The following RBM41 variants were observed in gnomAD, a reference collection of about 807,000 sequenced individuals.
RBM41 encodes the protein RNA-binding protein 41.
In RBM41, 14 loss-of-function variants were observed where a neutral mutation model predicts 30.8. That is an observed-to-expected ratio of 0.45 (90% CI 0.30 to 0.71). The LOEUF is 0.71. RBM41 is among the 30% of genes least tolerant of loss of function. The probability of loss-of-function intolerance (pLI) is 0.08; values close to 1 mark genes in which losing one functional copy is unlikely to be tolerated. For synonymous variants in RBM41, 120 were observed against 110.1 expected (o/e 1.09, Z -0.56); for missense variants, 276 against 326.3 (o/e 0.85, Z 1.19).
chrX:107,094,394 G>A (rs1380382249), intron 5 of RBM41, among the ~76,000 whole-genome samples: 2 of 112,294 alleles, frequency 1.8e-5, no homozygotes, highest in Non-Finnish European at 3.8e-5. Flanking sequence ...AAAGATTGGT[G>A]TAACATCTAA....
At chrX:107,096,578 T>C (rs986110514) in intron 5 of RBM41, among the ~76,000 whole-genome samples, 2 of 111,868 alleles carry the variant, frequency 1.8e-5, no homozygotes, top group African/African-American at 6.5e-5. Context: ...GACCCTTTAC[T>C]TCACACATAA....
intron 5 of RBM41, among the ~76,000 whole-genome samples, chrX:107,106,075 A>G (rs1923947879): frequency 8.9e-6 from 1 of 112,148 alleles, no homozygotes; most frequent in Non-Finnish European, 1.9e-5. Context: ...ATCAGAGTGA[A>G]CAGGCAATCT....
chrX:107,102,841 T>A (rs1156801600), intron 5 of RBM41, among the ~76,000 whole-genome samples: 1 of 111,598 alleles, frequency 9.0e-6, no homozygotes, highest in Non-Finnish European at 1.9e-5. Context: ...AAACTTGCTT[T>A]AGACCAGTAA....
intron 5 of RBM41, among the ~76,000 whole-genome samples, chrX:107,105,870 A>G (rs1268900653): frequency 2.7e-5 from 3 of 111,890 alleles, no homozygotes; most frequent in African/African-American, 6.5e-5. Flanking sequence ...AATTAATTCA[A>G]GATGGATTAA....
intron 6 of RBM41, among the ~76,000 whole-genome samples, chrX:107,080,578 TCAAAACA>T (rs1049468944): frequency 3.3e-5 from 3 of 91,500 alleles, no homozygotes; most frequent in Non-Finnish European, 6.2e-5. Context: ...AGACTCTGCC[TCAAAACA>T]CGAAACAAAA....
chrX:107,091,265 C>G (rs1294710765), intron 5 of RBM41, among the ~76,000 whole-genome samples: 2 of 111,879 alleles, frequency 1.8e-5, no homozygotes, highest in East Asian at 2.8e-4. Context: ...AATATACTTA[C>G]AGAATTTTAC....
At chrX:107,077,947 ATGT>A (rs774775760) in intron 6 of RBM41, among the ~76,000 whole-genome samples, 133 of 111,759 alleles carry the variant, frequency 1.2e-3, no homozygotes, top group African/African-American at 4.2e-3. Flanking sequence ...TCACATTAAT[ATGT>A]TGTTACAATT....
chrX:107,052,233 C>T, the RBM41 span, among the ~76,000 whole-genome samples: 1 of 111,453 alleles, frequency 9.0e-6, no homozygotes, highest in African/African-American at 3.3e-5. Flanking sequence ...GTTTATATCC[C>T]GATCATTGTC....
intron 5 of RBM41, among the ~76,000 whole-genome samples, chrX:107,095,240 G>C (rs1407646674): frequency 9.1e-6 from 1 of 109,693 alleles, no homozygotes; most frequent in African/African-American, 3.3e-5. Context: ...AAACTTTAAG[G>C]TATCCATAAT....
chrX:107,078,880 T>C (rs918486932), intron 6 of RBM41, among the ~76,000 whole-genome samples: 1 of 108,435 alleles, frequency 9.2e-6, no homozygotes, highest in Non-Finnish European at 1.9e-5. Context: ...ATACCCCGAA[T>C]GTCAAAAAAA....
rs187405228 is a variant in RBM41, at chrX:107,108,287, C to T, written c.595+5110G>A. 1.8e-3 allele frequency among the ~76,000 whole-genome samples: 205 copies of T among 111,788 alleles called. 1 individual carries two copies. Among genetic ancestry groups the T allele is most frequent in the African/African-American group, 6.4e-3 (197 of 30,812 alleles). ...AATTTACAAAAATACTTAGCAAGGACTGGCACAAATAAGTCCTCAAAATTA... is the reference window on the plus strand; with the variant it reads ...AATTTACAAAAATACTTAGCAAGGATTGGCACAAATAAGTCCTCAAAATTA... On this transcript the variant is annotated intron_variant, in intron 5 of 7. Coordinates refer to ENST00000685964, the MANE Select transcript of RBM41 (RefSeq NM_001324242.2).
At chrX:107,069,450 G>C (rs762253068) in intron 6 of RBM41, 48 bp from the exon 7 acceptor site, 2 of 1,127,992 alleles carry the variant, frequency 1.8e-6, no homozygotes, top group African/African-American at 3.7e-5. Context: ...AGGAGGTAAG[G>C]CACTCTTTGT....
At chrX:107,091,254 C>T (rs768933768) in intron 5 of RBM41, among the ~76,000 whole-genome samples, 1 of 112,026 alleles carries the variant, frequency 8.9e-6, no homozygotes, top group Non-Finnish European at 1.9e-5. Flanking sequence ...CTTCTTCCTA[C>T]AATATACTTA....
At position 107,065,830 on chromosome X, in the gene RBM41, T is replaced by C. The variant is rs914401633; in HGVS notation, c.*1697A>G. 5.0e-6 allele frequency: 5 copies of C among 1,005,307 alleles called. No homozygotes were observed. The highest frequency in any genetic ancestry group is 6.5e-6 in the Non-Finnish European group (5 of 767,551). The allele number at this position is 1,005,307 out of a possible 1,213,427, so 82.8% of individuals were successfully genotyped here. On this transcript the variant is annotated 3_prime_UTR_variant, in exon 8 of 8. Transcript: ENST00000685964. Reference sequence around the variant, plus strand: ...ATGCAACTATATACATATTGTTTTATACAACTGTGTTTTACATTAGTTAAG... The same window carrying C: ...ATGCAACTATATACATATTGTTTTACACAACTGTGTTTTACATTAGTTAAG...
At chrX:107,086,627 G>C (rs2147948706) in intron 6 of RBM41, among the ~76,000 whole-genome samples, 1 of 111,690 alleles carries the variant, frequency 9.0e-6, no homozygotes, top group Non-Finnish European at 1.9e-5. Context: ...CATACTGTAG[G>C]GAACACTTTT....
At chrX:107,108,448 G>A (rs147978044) in intron 5 of RBM41, among the ~76,000 whole-genome samples, 2,780 of 111,208 alleles carry the variant, frequency 0.025, 98 homozygotes, top group African/African-American at 0.085. Flanking sequence ...GGCAGCAGGA[G>A]GAAGGGGTAA....
intron 1 of RBM41, 42 bp from the exon 2 acceptor site, chrX:107,116,808 T>C: frequency 8.9e-7 from 1 of 1,128,646 alleles, no homozygotes; most frequent in Non-Finnish European, 1.2e-6. Context: ...CGGAAGAGAC[T>C]GTGAGTCTCA....
In RBM41 at chrX:107,062,729, A is replaced by C. The variant is rs1935683849; in HGVS notation, c.*4798T>G. On this transcript the variant is annotated 3_prime_UTR_variant, in exon 8 of 8. Transcript: ENST00000685964. ...GTGAAAGTCCTCCTTCAGCCTATTC[A>C]ATCCCACTTCCAAAGGTTTATAACT... Among the ~76,000 whole-genome samples, 1 of 111,851 alleles carries C rather than the reference A, an allele frequency of 8.9e-6. No individual in the cohort carries two copies. The highest frequency in any genetic ancestry group is 1.9e-5 in the Non-Finnish European group (1 of 53,149).
chrX:107,080,317 G>T (rs1255549836), intron 6 of RBM41, among the ~76,000 whole-genome samples: 2 of 110,074 alleles, frequency 1.8e-5, no homozygotes, highest in African/African-American at 6.6e-5. Context: ...GGTAGCTCAT[G>T]CCTGTAATCC....
Sources: allele counts gnomAD v4.1 joint callset (sites outside exome capture counted in the v4.1 genomes callset), GRCh38; gene constraint gnomAD v4.1.1; transcripts MANE v1.5; gene names NCBI Gene and HGNC (gene_info 2026-07-23, HGNC 2026-07-21).